ITCH: variants seen among roughly 807,000 people sequenced by gnomAD.
ITCH encodes E3 ubiquitin-protein ligase Itchy homolog.
In ITCH, 28 loss-of-function variants were observed where a neutral mutation model predicts 126.8. The observed-to-expected ratio is 0.22, with a 90% CI of 0.16 to 0.30. The LOEUF is 0.30. ITCH is among the 10% of genes least tolerant of loss of function. The pLI, the probability that ITCH is intolerant of heterozygous loss-of-function variation, is 1.00. For synonymous variants in ITCH, 342 were observed against 340.0 expected, an observed-to-expected ratio of 1.01 and a Z score of -0.06; for missense variants, 631 against 1,032.4, an observed-to-expected ratio of 0.61 and a Z score of 5.33.
intron 2 of ITCH, among the ~76,000 whole-genome samples, chr20:34,386,161 C>T (rs1044043291): frequency 6.6e-6 from 1 of 151,170 alleles, no homozygotes; most frequent in Non-Finnish European, 1.5e-5. Flanking sequence ...GGCTGTAGTG[C>T]AGTGGTGTGA....
rs1191226519 is a variant in ITCH, at chr20:34,412,551, G to A, written c.249G>A (p.Val83=). 2 of 1,602,470 alleles carry A rather than the reference G, an allele frequency of 1.2e-6. No homozygotes were observed. Among genetic ancestry groups the A allele is most frequent in the Non-Finnish European group, 8.5e-7 (1 of 1,169,626 alleles). ...CTGTGAGTAAATTACATTTTCGTGTGTGGAGTCACCAGACACTGAAATCTG... is the reference window on the plus strand; with the variant it reads ...CTGTGAGTAAATTACATTTTCGTGTATGGAGTCACCAGACACTGAAATCTG... ...VTPVSKLHFR[V]WSHQTLKSDV... The change falls in exon 5 of 25, where the codon GTG becomes GTA. Residue 83 remains valine, a synonymous_variant. Coordinates refer to ENST00000374864, the MANE Select transcript of ITCH (RefSeq NM_031483.7).
At chr20:34,397,554 T>G (rs553742152) in intron 3 of ITCH, among the ~76,000 whole-genome samples, 20 of 152,336 alleles carry the variant, frequency 1.3e-4, no homozygotes, top group African/African-American at 4.6e-4. Flanking sequence ...TATCTTAGCA[T>G]TATTATTTTC....
intron 16 of ITCH, among the ~76,000 whole-genome samples, 166 bp downstream of exon 16, chr20:34,471,681 T>A (rs1465005041): frequency 1.9e-5 from 1 of 51,774 alleles, no homozygotes; most frequent in African/African-American, 6.9e-5. Flanking sequence ...GGGGTGTGTG[T>A]GTGTGTGTGT....
chr20:34,398,805 AAC>A (rs567347548), intron 3 of ITCH, among the ~76,000 whole-genome samples: 56 of 152,080 alleles, frequency 3.7e-4, no homozygotes, highest in Non-Finnish European at 7.1e-4. Flanking sequence ...GCAAAAAACA[AAC>A]ACACCATGAA....
chr20:34,455,753 C>T (rs1244133817), intron 12 of ITCH, among the ~76,000 whole-genome samples: 2 of 151,934 alleles, frequency 1.3e-5, no homozygotes, highest in Non-Finnish European at 2.9e-5. Context: ...GCTAGAATTA[C>T]AGGCATGAGC....
At chr20:34,383,836 C>CTTTTT (rs745864966) in intron 2 of ITCH, among the ~76,000 whole-genome samples, 4 of 68,656 alleles carry the variant, frequency 5.8e-5, no homozygotes, top group Admixed American at 1.6e-4. Flanking sequence ...GTCTGTAATT[C>CTTTTT]TTTTTTTTTT....
At chr20:34,458,408 C>G (rs749449492) in intron 13 of ITCH, among the ~76,000 whole-genome samples, 7 of 152,174 alleles carry the variant, frequency 4.6e-5, no homozygotes, top group Non-Finnish European at 1.0e-4. Flanking sequence ...TTTAAGCGAT[C>G]CTCCTGCCTT....
At chr20:34,481,235 TTTTG>T (rs1988719182) in intron 20 of ITCH, 29 bp downstream of exon 20, 3 of 1,610,038 alleles carry the variant, frequency 1.9e-6, no homozygotes, top group East Asian at 2.2e-5. Flanking sequence ...ACATTTCACT[TTTTG>T]TTTGACTACA....
chr20:34,364,331 G>A (rs1373418541), intron 1 of ITCH, among the ~76,000 whole-genome samples: 2 of 152,098 alleles, frequency 1.3e-5, no homozygotes, highest in Non-Finnish European at 2.9e-5. Flanking sequence ...TTTGGAGTGG[G>A]GGATGGGGAA....
Position 34,467,068 on chromosome 20 carries a change from T to A in ITCH, c.1425-2980T>A, listed in dbSNP as rs540939517. On this transcript the variant is annotated intron_variant, in intron 14 of 24. Coordinates refer to ENST00000374864, the MANE Select transcript of ITCH (RefSeq NM_031483.7). ...AGAGAAAAAAAGAGGGACATCACTG[T>A]ATATTTTATAGACATTAAAAGGATA... Among the ~76,000 whole-genome samples the A allele has an allele frequency of 3.3e-5, 5 of 152,344 alleles. No homozygotes were observed. In the East Asian group the frequency reaches 9.6e-4, roughly 29 times the overall value.
chr20:34,445,061 T>TAA (rs2146304903), intron 10 of ITCH, among the ~76,000 whole-genome samples: 1 of 152,326 alleles, frequency 6.6e-6, no homozygotes, highest in Non-Finnish European at 1.5e-5. Context: ...GTTTGAGACT[T>TAA]ACTCACTAAA....
At chr20:34,462,625 AAT>A (rs1986650758) in intron 14 of ITCH, among the ~76,000 whole-genome samples, 1 of 152,208 alleles carries the variant, frequency 6.6e-6, no homozygotes, top group Non-Finnish European at 1.5e-5. Context: ...TTTGTGGGAA[AAT>A]ATATAACCTA....
At chr20:34,440,953 A>ATATCAAACTATTTTT (rs1983673140) in intron 9 of ITCH, among the ~76,000 whole-genome samples, 1 of 152,150 alleles carries the variant, frequency 6.6e-6, no homozygotes, top group African/African-American at 2.4e-5. Context: ...TCCCTTTTTA[A>ATATCAAACTATTTTT]TATCAAACTA....
intron 4 of ITCH, among the ~76,000 whole-genome samples, chr20:34,409,238 G>C (rs1978632155): frequency 6.8e-6 from 1 of 147,054 alleles, no homozygotes; most frequent in African/African-American, 2.5e-5. Context: ...TGTCACCCAA[G>C]CTGGAGTATA....
intron 2 of ITCH, among the ~76,000 whole-genome samples, chr20:34,371,946 G>T (rs1435359291): frequency 6.6e-6 from 1 of 151,984 alleles, no homozygotes; most frequent in Non-Finnish European, 1.5e-5. Context: ...TGCTTTATGT[G>T]CTAACTCACT....
At chr20:34,429,505 C>G (rs1294417166) in intron 7 of ITCH, among the ~76,000 whole-genome samples, 1 of 152,180 alleles carries the variant, frequency 6.6e-6, no homozygotes, top group East Asian at 1.9e-4. Context: ...TAACACATTT[C>G]CATGTGATGC....
At chr20:34,420,669 A>G (rs1375625433) in intron 6 of ITCH, among the ~76,000 whole-genome samples, 1 of 152,100 alleles carries the variant, frequency 6.6e-6, no homozygotes, top group Non-Finnish European at 1.5e-5. Flanking sequence ...TTTTTGATAC[A>G]TAGGAATTTT....
chr20:34,385,222 G>GTT (rs1186821960), intron 2 of ITCH, among the ~76,000 whole-genome samples: 43,378 of 84,956 alleles, frequency 0.51, 12,130 homozygotes, highest in Admixed American at 0.58. Context: ...TGTGTGTGTG[G>GTT]TTTTTTTTTT....
intron 12 of ITCH, among the ~76,000 whole-genome samples, chr20:34,455,174 C>T (rs1263899820): frequency 2.6e-5 from 4 of 152,076 alleles, no homozygotes; most frequent in South Asian, 2.1e-4. Context: ...AAAAATTAGC[C>T]ATGTCAACAT....
Sources: gnomAD v4.1 joint callset for allele counts (sites outside exome capture counted in the v4.1 genomes callset) on GRCh38, gnomAD v4.1.1 for gene constraint, MANE v1.5 for transcripts, NCBI Gene and HGNC (gene_info 2026-07-23, HGNC 2026-07-21) for gene names.